The following EPHA6 variants were observed in gnomAD, a reference collection of about 807,000 sequenced individuals.
The protein encoded by EPHA6 is EPH receptor A6.
A neutral mutation model predicts 112.0 loss-of-function variants in EPHA6; 50 were observed. The observed-to-expected ratio is 0.45, with a 90% CI of 0.36 to 0.56. The LOEUF is 0.56. Ranked by LOEUF, EPHA6 falls within the 20% of genes least tolerant of loss-of-function variation. The pLI, the probability that EPHA6 is intolerant of heterozygous loss-of-function variation, is 0.00. For synonymous variants in EPHA6, 529 were observed against 490.7 expected, an observed-to-expected ratio of 1.08 and a Z score of -1.03; for missense variants, 1,280 against 1,417.4, an observed-to-expected ratio of 0.90 and a Z score of 1.56.
At chr3:97,049,976 GTGAAAAAC>G (rs1428572658) in intron 3 of EPHA6, among the ~76,000 whole-genome samples, 4 of 152,168 alleles carry the variant, frequency 2.6e-5, no homozygotes, top group African/African-American at 9.7e-5. Flanking sequence ...CAATGTGTTT[GTGAAAAAC>G]TGTTGAAACT....
chr3:97,588,259 A>G (rs994000722), intron 11 of EPHA6, among the ~76,000 whole-genome samples: 3 of 152,194 alleles, frequency 2.0e-5, no homozygotes, highest in Admixed American at 6.5e-5. Context: ...TTATTACTGA[A>G]CAAGGTGTAA....
intron 14 of EPHA6, among the ~76,000 whole-genome samples, chr3:97,714,403 A>C (rs1246374581): frequency 6.6e-6 from 1 of 152,226 alleles, no homozygotes; most frequent in Non-Finnish European, 1.5e-5. Flanking sequence ...AAGTAAAGAC[A>C]GATATTATTT....
At chr3:97,049,502 T>C (rs2045618170) in intron 3 of EPHA6, among the ~76,000 whole-genome samples, 1 of 152,226 alleles carries the variant, frequency 6.6e-6, no homozygotes, top group African/African-American at 2.4e-5. Flanking sequence ...ATAGCGCAGA[T>C]AGAGCTTTCG....
chr3:97,197,927 C>T, intron 3 of EPHA6, among the ~76,000 whole-genome samples: 1 of 152,096 alleles, frequency 6.6e-6, no homozygotes, highest in East Asian at 1.9e-4. Context: ...GAATTATCTC[C>T]TGCATTGCTT....
chr3:97,051,248 G>T (rs777061978), intron 3 of EPHA6, among the ~76,000 whole-genome samples: 6 of 152,106 alleles, frequency 3.9e-5, no homozygotes, highest in Admixed American at 6.6e-5. Flanking sequence ...GGGACATTTA[G>T]GATTTGGAAA....
At chr3:97,593,876 C>T (rs557401444) in intron 12 of EPHA6, among the ~76,000 whole-genome samples, 1 of 152,260 alleles carries the variant, frequency 6.6e-6, no homozygotes, top group African/African-American at 2.4e-5. Flanking sequence ...ACCAAAATTA[C>T]ACGAGTTAAA....
At chr3:97,553,094 T>C (rs1055897284) in intron 11 of EPHA6, among the ~76,000 whole-genome samples, 2 of 152,154 alleles carry the variant, frequency 1.3e-5, no homozygotes, top group African/African-American at 4.8e-5. Context: ...TGCAGCCGGA[T>C]TAATCTTTAT....
intron 6 of EPHA6, among the ~76,000 whole-genome samples, chr3:97,433,329 A>C (rs996593718): frequency 3.9e-5 from 6 of 152,212 alleles, no homozygotes; most frequent in Middle Eastern, 3.2e-3. Context: ...ATGAAGACTC[A>C]AAATCTCATG....
intron 14 of EPHA6, among the ~76,000 whole-genome samples, chr3:97,672,143 C>T (rs761536819): frequency 6.6e-6 from 1 of 152,130 alleles, no homozygotes; most frequent in Non-Finnish European, 1.5e-5. Flanking sequence ...ATTTCCTGCC[C>T]AAAGGGACTA....
In EPHA6 at chr3:97,475,400, C is replaced by T. The variant is rs2091340620; in HGVS notation, c.1943C>T (p.Ala648Val). 3.1e-6 allele frequency: 5 copies of T among 1,612,248 alleles called. No individual in the cohort carries two copies. The change falls in exon 8 of 18, where the codon GCC becomes GTC. Residue 648 changes from alanine to valine, a missense_variant. By Grantham distance (64) the Ala-to-Val change is moderately conservative. This residue lies in a region of EPHA6 where 878 missense variants were observed against 999.7 expected (regional missense o/e 0.88). Coordinates refer to ENST00000389672, the MANE Select transcript of EPHA6 (RefSeq NM_001080448.3). The part of the protein sequence containing the change: ...EQGQILVIAT[A>V]AVGGFTLLVI... ...GGACAGATTCTCGTGATAGCCACCGCCGCTGTTGGCGGATTCACTCTCCTC... is the reference window on the plus strand; with the variant it reads ...GGACAGATTCTCGTGATAGCCACCGTCGCTGTTGGCGGATTCACTCTCCTC...
chr3:97,019,601 C>G (rs1216741251), intron 3 of EPHA6, among the ~76,000 whole-genome samples: 1 of 152,098 alleles, frequency 6.6e-6, no homozygotes. Flanking sequence ...AATGTTGGGG[C>G]TGACTTCATT....
Position 97,393,687 on chromosome 3 carries a change from G to A in EPHA6, c.1607-11463G>A, listed in dbSNP as rs546038077. 8.6e-5 allele frequency among the ~76,000 whole-genome samples: 13 copies of A among 151,780 alleles called. No homozygotes were observed. The South Asian group carries it at 2.7e-3, about 31-fold the overall frequency. On this transcript the variant is annotated intron_variant, in intron 5 of 17. Coordinates refer to ENST00000389672, the MANE Select transcript of EPHA6 (RefSeq NM_001080448.3). ...CATGGCAGGAGGAAGTAGGAAGAGT[G>A]AACAAGTAATTTTATACTCATTGAC...
At chr3:97,577,821 G>T (rs370523587) in intron 11 of EPHA6, among the ~76,000 whole-genome samples, 67 of 151,734 alleles carry the variant, frequency 4.4e-4, no homozygotes, top group Admixed American at 7.9e-4. Context: ...GTTTTTCTTG[G>T]TTTTTTTTGT....
At chr3:97,380,048 A>G (rs1263686337) in intron 5 of EPHA6, among the ~76,000 whole-genome samples, 2 of 152,158 alleles carry the variant, frequency 1.3e-5, no homozygotes, top group Non-Finnish European at 2.9e-5. Context: ...CATGGGAGAT[A>G]GAGAACAATT....
rs754917681 is a variant in EPHA6 at position 96,930,992 on chromosome 3, C to CA, written c.451-56309dup. 1.7e-3 allele frequency among the ~76,000 whole-genome samples: 58 copies of CA among 34,772 alleles called. 6 individuals carry two copies. The highest frequency in any genetic ancestry group is 3.6e-3 in the Non-Finnish European group (44 of 12,076). 22.8% of individuals were successfully genotyped at this position (34,772 alleles called of 152,430 possible). ...GGGTGACAGAGTGAGACTCTGTCTC[C>CA]AAAAAAAAAAAAAAAAAAAAAAAAA... On this transcript the variant is annotated intron_variant, in intron 2 of 17. Coordinates refer to ENST00000389672, the MANE Select transcript of EPHA6 (RefSeq NM_001080448.3).
chr3:97,678,803 T>G (rs2031619643), intron 14 of EPHA6, among the ~76,000 whole-genome samples: 1 of 152,228 alleles, frequency 6.6e-6, no homozygotes, highest in Non-Finnish European at 1.5e-5. Context: ...ATTTCACTTT[T>G]GTTTTGATTG....
At chr3:97,588,317 A>T (rs2093510676) in intron 11 of EPHA6, among the ~76,000 whole-genome samples, 2 of 152,202 alleles carry the variant, frequency 1.3e-5, no homozygotes, top group Admixed American at 1.3e-4. Flanking sequence ...GCACCACGTC[A>T]AACACATATG....
intron 2 of EPHA6, among the ~76,000 whole-genome samples, chr3:96,903,004 G>A (rs1374012242): frequency 5.3e-5 from 8 of 152,152 alleles, no homozygotes; most frequent in Non-Finnish European, 1.2e-4. Flanking sequence ...TAACTGTAAT[G>A]TAATATGATG....
chr3:96,867,040 G>A (rs1408106901), intron 2 of EPHA6, among the ~76,000 whole-genome samples, 151 bp downstream of exon 2: 4 of 151,680 alleles, frequency 2.6e-5, no homozygotes, highest in Non-Finnish European at 5.9e-5. Context: ...AATTAGAACT[G>A]GTAATCAGTG....
Sources: allele counts gnomAD v4.1 joint callset (sites outside exome capture counted in the v4.1 genomes callset), GRCh38; gene constraint gnomAD v4.1.1; regional missense constraint gnomAD v4.1.1; transcripts MANE v1.5; gene names NCBI Gene and HGNC (gene_info 2026-07-23, HGNC 2026-07-21).